The following WWOX variants were observed in gnomAD, a reference collection of about 807,000 sequenced individuals.
WWOX encodes the protein WW domain-containing oxidoreductase.
WWOX carries 69 observed loss-of-function variants against 46.2 expected under a neutral mutation model. The ratio of observed to expected loss-of-function variants is 1.49; its 90% CI spans 1.23 to 1.82. WWOX has a LOEUF of 1.82. Ranked by LOEUF, WWOX falls within the 40% of genes most tolerant of loss-of-function variation. The pLI, the probability that WWOX is intolerant of heterozygous loss-of-function variation, is 0.00. For synonymous variants in WWOX, 359 were observed against 202.6 expected, an observed-to-expected ratio of 1.77 and a Z score of -6.56; for missense variants, 919 against 542.6, an observed-to-expected ratio of 1.69 and a Z score of -6.89.
Position 78,183,422 on chromosome 16 carries a change from G to A in WWOX, c.516+19133G>A, listed in dbSNP as rs138407978. Among the ~76,000 whole-genome samples, 996 of 152,282 alleles carry A rather than the reference G, an allele frequency of 6.5e-3. 4 individuals are homozygous for A. The highest frequency in any genetic ancestry group is 0.031 in the Middle Eastern group (9 of 294). ...TGAAAGGTTTTCTTTGACTTTGGTGGTCTAGTTAGTGGTTGAGAACATGGA... is the reference window on the plus strand; with the variant it reads ...TGAAAGGTTTTCTTTGACTTTGGTGATCTAGTTAGTGGTTGAGAACATGGA... On this transcript the variant is annotated intron_variant, in intron 5 of 8. Coordinates refer to ENST00000566780, the MANE Select transcript of WWOX (RefSeq NM_016373.4).
intron 4 of WWOX, among the ~76,000 whole-genome samples, chr16:78,130,429 T>A (rs868516216): frequency 1.3e-5 from 2 of 152,194 alleles, no homozygotes; most frequent in African/African-American, 4.8e-5. Context: ...CCTTGGACTT[T>A]AAGCCTCCAG....
intron 5 of WWOX, among the ~76,000 whole-genome samples, chr16:78,383,015 G>A (rs934739487): frequency 2.0e-5 from 3 of 151,098 alleles, no homozygotes; most frequent in Non-Finnish European, 2.9e-5. Context: ...GCAGGAGGAC[G>A]AATAGGGGGA....
intron 5 of WWOX, among the ~76,000 whole-genome samples, chr16:78,243,893 A>G (rs1252659180): frequency 6.6e-6 from 1 of 152,156 alleles, no homozygotes; most frequent in Non-Finnish European, 1.5e-5. Context: ...CTCAGTTTCC[A>G]CTTACAAATG....
intron 6 of WWOX, among the ~76,000 whole-genome samples, chr16:78,400,659 T>C (rs926679138): frequency 1.3e-5 from 2 of 151,794 alleles, no homozygotes; most frequent in Admixed American, 1.3e-4. Context: ...AGGAAGCAGG[T>C]AGAAAGGGAA....
chr16:78,955,732 C>G (rs911708679), intron 8 of WWOX, among the ~76,000 whole-genome samples: 6 of 151,390 alleles, frequency 4.0e-5, no homozygotes, highest in Non-Finnish European at 5.9e-5. Flanking sequence ...ATGGCAGCCT[C>G]AGCCTCCTAA....
intron 8 of WWOX, among the ~76,000 whole-genome samples, chr16:79,177,476 A>G (rs2150779946): frequency 6.6e-6 from 1 of 152,274 alleles, no homozygotes; most frequent in Non-Finnish European, 1.5e-5. Flanking sequence ...AAGCAACCCA[A>G]CAAAGCTTTT....
chr16:78,951,647 T>G (rs546565224), intron 8 of WWOX, among the ~76,000 whole-genome samples: 7 of 152,272 alleles, frequency 4.6e-5, no homozygotes, highest in Admixed American at 2.0e-4. Context: ...TTGATGTCAA[T>G]CTTGTTTTAG....
At chr16:78,970,289 A>G (rs1399018445) in intron 8 of WWOX, among the ~76,000 whole-genome samples, 1 of 152,164 alleles carries the variant, frequency 6.6e-6, no homozygotes, top group Non-Finnish European at 1.5e-5. Context: ...ATTTTCTTTG[A>G]TTCTCTGCCC....
intron 8 of WWOX, among the ~76,000 whole-genome samples, chr16:78,458,363 C>T (rs2083875097): frequency 6.6e-6 from 1 of 150,700 alleles, no homozygotes; most frequent in Non-Finnish European, 1.5e-5. Context: ...CAGGCTCAAG[C>T]AATCCTCTGG....
chr16:78,122,819 G>C (rs1269529054), intron 4 of WWOX, among the ~76,000 whole-genome samples: 3 of 152,046 alleles, frequency 2.0e-5, no homozygotes, highest in Non-Finnish European at 4.4e-5. Flanking sequence ...TGGCCAAGCT[G>C]GTCTTGAACT....
intron 8 of WWOX, among the ~76,000 whole-genome samples, chr16:78,580,718 C>T (rs1190620443): frequency 2.0e-5 from 3 of 152,226 alleles, no homozygotes; most frequent in Non-Finnish European, 4.4e-5. Context: ...TCCACGAATA[C>T]TGCAGTGGTG....
intron 8 of WWOX, among the ~76,000 whole-genome samples, chr16:78,721,613 G>C (rs574711786): frequency 2.6e-4 from 39 of 152,298 alleles, no homozygotes; most frequent in Admixed American, 2.0e-3. Flanking sequence ...TTATAAAGCA[G>C]GACATGTGCT....
intron 8 of WWOX, chr16:78,899,156 C>G (rs1223513805): frequency 6.6e-6 from 1 of 152,052 alleles, no homozygotes; most frequent in African/African-American, 2.4e-5. Context: ...GACATCATTG[C>G]TTTATTCAGG....
rs1258082835 is a variant in WWOX at position 78,320,669 on chromosome 16, T to A, written c.517-66191T>A. ...GGAAGCCAAACATCTGGATGAAGAA[T>A]GAAATATCCAGATGTTTTCAAGTAT... On this transcript the variant is annotated intron_variant, in intron 5 of 8. Coordinates refer to ENST00000566780, the MANE Select transcript of WWOX (RefSeq NM_016373.4). Among the ~76,000 whole-genome samples the A allele has an allele frequency of 3.9e-5, 6 of 152,216 alleles. No homozygotes were observed. The East Asian group carries it at 1.2e-3, about 29-fold the overall frequency.
At chr16:78,678,531 C>T (rs1036422788) in intron 8 of WWOX, among the ~76,000 whole-genome samples, 113 of 152,230 alleles carry the variant, frequency 7.4e-4, no homozygotes, top group African/African-American at 2.6e-3. Context: ...CTGGGCAAGG[C>T]GGAGATCCAG....
At chr16:78,495,195 C>A (rs1462856479) in intron 8 of WWOX, among the ~76,000 whole-genome samples, 7 of 125,006 alleles carry the variant, frequency 5.6e-5, no homozygotes, top group Non-Finnish European at 9.5e-5. Flanking sequence ...GGTTGCAGTG[C>A]GGTGGCATGA....
intron 8 of WWOX, among the ~76,000 whole-genome samples, chr16:79,059,312 A>G (rs2048319154): frequency 6.6e-6 from 1 of 152,184 alleles, no homozygotes; most frequent in South Asian, 2.1e-4. Context: ...CTAGTGTGTA[A>G]TTGCTTAAGT....
At chr16:78,371,404 G>A (rs1287827798) in intron 5 of WWOX, among the ~76,000 whole-genome samples, 3 of 152,110 alleles carry the variant, frequency 2.0e-5, no homozygotes, top group Non-Finnish European at 4.4e-5. Flanking sequence ...TCTGGCTCAT[G>A]GTTAACTTCA....
intron 5 of WWOX, among the ~76,000 whole-genome samples, chr16:78,235,140 A>G (rs573392756): frequency 3.9e-5 from 6 of 152,186 alleles, no homozygotes; most frequent in African/African-American, 7.2e-5. Context: ...ATTTAAAATT[A>G]TTATAAAATA....
Sources: allele counts gnomAD v4.1 joint callset (sites outside exome capture counted in the v4.1 genomes callset), GRCh38; gene constraint gnomAD v4.1.1; transcripts MANE v1.5; gene names NCBI Gene and HGNC (gene_info 2026-07-23, HGNC 2026-07-21).